AUH: variants seen among roughly 807,000 people sequenced by gnomAD.
AUH encodes the protein AU RNA binding methylglutaconyl-CoA hydratase.
Under a neutral mutation model 42.3 loss-of-function variants are expected in AUH, and 29 were observed. The observed-to-expected ratio is 0.69, with a 90% CI of 0.51 to 0.93. The LOEUF is 0.93. Ranked by LOEUF, AUH falls within the 40% of genes least tolerant of loss-of-function variation. The probability of loss-of-function intolerance (pLI) is 0.00; values close to 1 mark genes in which losing one functional copy is unlikely to be tolerated. For synonymous variants in AUH, 174 were observed against 166.4 expected (o/e 1.05, Z -0.35); for missense variants, 452 against 438.1 (o/e 1.03, Z -0.28).
intron 6 of AUH, among the ~76,000 whole-genome samples, chr9:91,256,383 T>C (rs1288162450): frequency 6.6e-6 from 1 of 152,084 alleles, no homozygotes; most frequent in Non-Finnish European, 1.5e-5. Context: ...CCCCAGATTC[T>C]AAAGACAGCA....
intron 3 of AUH, among the ~76,000 whole-genome samples, chr9:91,338,582 C>T (rs1051110007): frequency 1.3e-5 from 2 of 152,190 alleles, no homozygotes; most frequent in African/African-American, 4.8e-5. Context: ...AGGTGCCCAC[C>T]ACCACGCCCT....
intron 4 of AUH, among the ~76,000 whole-genome samples, chr9:91,315,529 G>C (rs551172590): frequency 4.6e-5 from 7 of 152,186 alleles, no homozygotes; most frequent in Non-Finnish European, 1.0e-4. Flanking sequence ...CCACCTTGCA[G>C]GCTGTAACCC....
chr9:91,235,188 T>C (rs375414971), intron 6 of AUH, among the ~76,000 whole-genome samples: 6 of 151,860 alleles, frequency 4.0e-5, no homozygotes, highest in Non-Finnish European at 7.4e-5. Context: ...ATTTGTAAGA[T>C]TGGGGGAGAA....
At chr9:91,231,997 G>A (rs1170152276) in intron 6 of AUH, among the ~76,000 whole-genome samples, 1 of 152,192 alleles carries the variant, frequency 6.6e-6, no homozygotes, top group Non-Finnish European at 1.5e-5. Context: ...ATATGATTTT[G>A]AATGTTCTTA....
intron 6 of AUH, among the ~76,000 whole-genome samples, chr9:91,244,452 G>A (rs1017442156): frequency 8.5e-5 from 13 of 152,190 alleles, no homozygotes; most frequent in African/African-American, 2.4e-4. Context: ...AACTTAAGCT[G>A]CAAGTTTAAT....
intron 3 of AUH, among the ~76,000 whole-genome samples, chr9:91,333,875 T>C (rs1830507862): frequency 6.6e-6 from 1 of 152,194 alleles, no homozygotes; most frequent in South Asian, 2.1e-4. Context: ...GCCTCTTTTT[T>C]GGCAATTCAT....
intron 1 of AUH, among the ~76,000 whole-genome samples, chr9:91,359,727 T>C (rs892003807): frequency 3.9e-5 from 6 of 152,198 alleles, no homozygotes; most frequent in Non-Finnish European, 8.8e-5. Flanking sequence ...TTGAGGCTCC[T>C]GTGACTAGGA....
chr9:91,353,440 A>C (rs535404245), intron 3 of AUH, among the ~76,000 whole-genome samples: 2 of 152,346 alleles, frequency 1.3e-5, no homozygotes, highest in African/African-American at 4.8e-5. Context: ...TAATTATGTG[A>C]AAGACCACAT....
intron 4 of AUH, among the ~76,000 whole-genome samples, chr9:91,316,354 TA>T (rs1478788146): frequency 2.0e-5 from 3 of 152,124 alleles, no homozygotes; most frequent in Non-Finnish European, 4.4e-5. Context: ...ACAGGTCCAA[TA>T]AAAACAGTCT....
intron 1 of AUH, among the ~76,000 whole-genome samples, chr9:91,359,468 CTTTTT>C (rs963115123): frequency 6.6e-6 from 1 of 150,544 alleles, no homozygotes; most frequent in Non-Finnish European, 1.5e-5. Flanking sequence ...TACATTTTTT[CTTTTT>C]TTTTAAGAGA....
intron 6 of AUH, among the ~76,000 whole-genome samples, chr9:91,249,916 G>A (rs888990132): frequency 6.6e-6 from 1 of 151,842 alleles, no homozygotes; most frequent in Non-Finnish European, 1.5e-5. Context: ...GGAGGCTGAG[G>A]CAGGAGAATT....
rs199528609 is a variant in AUH, at chr9:91,303,352, G to A, written c.506-5276C>T. ...GACGCATGATTTTTTTTTTTGAAAC[G>A]GAGTCTCTTGCTCTGTCGCCCAGGC... is the stretch of plus-strand genomic sequence containing the variant. On this transcript the variant is annotated intron_variant, in intron 4 of 9. Coordinates refer to ENST00000375731, the MANE Select transcript of AUH (RefSeq NM_001698.3). 2.3e-4 allele frequency among the ~76,000 whole-genome samples: 35 copies of A among 151,478 alleles called. No homozygotes were observed. In the East Asian group the frequency reaches 4.3e-3, roughly 18 times the overall value.
At chr9:91,325,653 G>A (rs1829918280) in intron 3 of AUH, among the ~76,000 whole-genome samples, 2 of 152,030 alleles carry the variant, frequency 1.3e-5, no homozygotes, top group African/African-American at 4.8e-5. Flanking sequence ...GCCCCTTCAC[G>A]CTCTTAAAGG....
intron 6 of AUH, among the ~76,000 whole-genome samples, chr9:91,224,645 C>T (rs976814252): frequency 3.9e-5 from 6 of 152,076 alleles, no homozygotes; most frequent in Non-Finnish European, 7.4e-5. Flanking sequence ...TAAAGTATTC[C>T]TAACACTATT....
At chr9:91,218,186 G>A (rs1281159102) in intron 7 of AUH, among the ~76,000 whole-genome samples, 1 of 152,168 alleles carries the variant, frequency 6.6e-6, no homozygotes, top group Non-Finnish European at 1.5e-5. Context: ...GAAAAGACAT[G>A]TTTTCCTATC....
chr9:91,339,520 T>C lies in AUH; in HGVS notation c.419-14116A>G, dbSNP rs1830945311. Among the ~76,000 whole-genome samples the C allele has an allele frequency of 2.0e-5, 3 of 152,190 alleles. No individual in the cohort carries two copies. The South Asian group carries it at 6.2e-4, about 32-fold the overall frequency. On this transcript the variant is annotated intron_variant, in intron 3 of 9. Coordinates refer to ENST00000375731, the MANE Select transcript of AUH (RefSeq NM_001698.3). ...GATAAACTGGAAATGGAGGTAACAATATAAACTCATGGTTTTCAACATGTA... is the reference window on the plus strand; with the variant it reads ...GATAAACTGGAAATGGAGGTAACAACATAAACTCATGGTTTTCAACATGTA...
intron 6 of AUH, among the ~76,000 whole-genome samples, chr9:91,229,654 G>A (rs1247701691): frequency 6.6e-6 from 1 of 151,962 alleles, no homozygotes; most frequent in African/African-American, 2.4e-5. Context: ...TAGTCTCGAT[G>A]GTCTTTACAT....
intron 3 of AUH, among the ~76,000 whole-genome samples, chr9:91,330,890 G>T (rs1266338108): frequency 6.6e-6 from 1 of 152,166 alleles, no homozygotes; most frequent in Non-Finnish European, 1.5e-5. Flanking sequence ...TATGTCTTTT[G>T]GGTGGGAGAT....
intron 6 of AUH, among the ~76,000 whole-genome samples, chr9:91,284,436 T>C (rs1826234268): frequency 6.6e-6 from 1 of 152,088 alleles, no homozygotes; most frequent in African/African-American, 2.4e-5. Flanking sequence ...CCAAAAGCAA[T>C]GGCGACAAAA....
Sources: allele counts gnomAD v4.1 joint callset (sites outside exome capture counted in the v4.1 genomes callset), GRCh38; gene constraint gnomAD v4.1.1; transcripts MANE v1.5; gene names NCBI Gene and HGNC (gene_info 2026-07-23, HGNC 2026-07-21).